DRC2: variants seen among roughly 807,000 people sequenced by gnomAD.
DRC2 encodes the protein coiled-coil domain containing 65.
the DRC2 span, among the ~76,000 whole-genome samples, chr12:48,905,958 G>C: frequency 1.3e-5 from 2 of 152,040 alleles, no homozygotes; most frequent in Non-Finnish European, 2.9e-5. Flanking sequence ...TTTTAGTTGA[G>C]ATGGGGGTTT....
the DRC2 span, among the ~76,000 whole-genome samples, chr12:48,916,797 T>C: frequency 6.6e-6 from 1 of 152,198 alleles, no homozygotes; most frequent in Admixed American, 6.5e-5. Flanking sequence ...CAAAATAAAA[T>C]AACCTTACTC....
chr12:48,920,441 TAAAAAAAAAAAAAAAA>T, the DRC2 span, among the ~76,000 whole-genome samples: 18 of 67,812 alleles, frequency 2.7e-4, no homozygotes, highest in African/African-American at 1.1e-3. Context: ...AACTCCATCT[TAAAAAAAAAAAAAAAA>T]AAAAAAAAAA....
At chr12:48,916,939 CA>C in the DRC2 span, 1 of 1,607,036 alleles carries the variant, frequency 6.2e-7, no homozygotes, top group South Asian at 1.1e-5. Context: ...CTGTATCCCT[CA>C]GAGCAGGGAC....
chr12:48,916,294 C>G, the DRC2 span, among the ~76,000 whole-genome samples: 6 of 152,244 alleles, frequency 3.9e-5, no homozygotes, highest in Non-Finnish European at 7.3e-5. Flanking sequence ...CGCCACTGCA[C>G]TCCAGCCTGG....
the DRC2 span, among the ~76,000 whole-genome samples, chr12:48,907,977 A>C: frequency 1.3e-5 from 2 of 152,112 alleles, no homozygotes; most frequent in African/African-American, 4.8e-5. Flanking sequence ...ACAGAGTCTC[A>C]CTTTGTTGTC....
the DRC2 span, chr12:48,916,870 A>G: frequency 8.8e-7 from 1 of 1,134,082 alleles, no homozygotes; most frequent in Admixed American, 2.2e-5. Flanking sequence ...AGTACCTAAG[A>G]GTTTGTACCA....
At chr12:48,912,149 A>G in the DRC2 span, among the ~76,000 whole-genome samples, 2 of 152,058 alleles carry the variant, frequency 1.3e-5, no homozygotes. Flanking sequence ...AATCCCAGCT[A>G]CTGTGGGAGG....
the DRC2 span, among the ~76,000 whole-genome samples, chr12:48,915,420 G>T: frequency 6.9e-6 from 1 of 145,370 alleles, no homozygotes; most frequent in Non-Finnish European, 1.5e-5. Flanking sequence ...GAGAGCACAG[G>T]GTTGGGGGTA....
At chr12:48,916,383 C>T in the DRC2 span, among the ~76,000 whole-genome samples, 1 of 152,102 alleles carries the variant, frequency 6.6e-6, no homozygotes, top group Non-Finnish European at 1.5e-5. Flanking sequence ...GGATCACTCG[C>T]GGTTAGGAGC....
the DRC2 span, chr12:48,917,003 T>C: frequency 6.2e-7 from 1 of 1,614,104 alleles, no homozygotes; most frequent in Non-Finnish European, 8.5e-7. Context: ...AGAAAGAGAT[T>C]CACTATCTGC....
the DRC2 span, chr12:48,917,032 T>G: frequency 6.2e-7 from 1 of 1,613,882 alleles, no homozygotes; most frequent in South Asian, 1.1e-5. Context: ...TTCATGGCCA[T>G]GGAGCAGAAC....
chr12:48,915,640 C>T, the DRC2 span, among the ~76,000 whole-genome samples: 46,636 of 149,454 alleles, frequency 0.31, 7,468 homozygotes, highest in Admixed American at 0.46. Flanking sequence ...ACCTCCCAGA[C>T]GGGGTGGTGG....
the DRC2 span, among the ~76,000 whole-genome samples, chr12:48,920,441 T>TTTAA: frequency 9.4e-4 from 64 of 67,808 alleles, 4 homozygotes; most frequent in East Asian, 2.8e-3. Context: ...AACTCCATCT[T>TTTAA]AAAAAAAAAA....
chr12:48,915,652 C>T, the DRC2 span, among the ~76,000 whole-genome samples: 1 of 151,462 alleles, frequency 6.6e-6, no homozygotes, highest in Non-Finnish European at 1.5e-5. Flanking sequence ...GGGTGGTGGC[C>T]GGGCAGAGGG....
chr12:48,920,898 C>T, the DRC2 span: 3 of 1,582,408 alleles, frequency 1.9e-6, no homozygotes, highest in African/African-American at 2.7e-5. Context: ...CACTCCCTTT[C>T]CTAATATAAA....
chr12:48,919,373 A>G, the DRC2 span, among the ~76,000 whole-genome samples: 5 of 148,984 alleles, frequency 3.4e-5, no homozygotes, highest in Non-Finnish European at 7.4e-5. Context: ...TAACTTTTGT[A>G]TTTTTTGTAG....
the DRC2 span, chr12:48,914,525 G>C: frequency 6.2e-7 from 1 of 1,614,092 alleles, no homozygotes; most frequent in Non-Finnish European, 8.5e-7. Context: ...CTGGAGGAAA[G>C]TTACAACATG....
the DRC2 span, among the ~76,000 whole-genome samples, chr12:48,907,775 C>G: frequency 6.6e-6 from 1 of 152,168 alleles, no homozygotes; most frequent in Non-Finnish European, 1.5e-5. Flanking sequence ...CTTTGGCTTG[C>G]ATGACACCAT....
At chr12:48,912,437 C>CAAAAAAAAAAAAAAAAAAA in the DRC2 span, among the ~76,000 whole-genome samples, 941 of 45,340 alleles carry the variant, frequency 0.021, 200 homozygotes, top group Non-Finnish European at 0.026. Flanking sequence ...GACGCCGTCT[C>CAAAAAAAAAAAAAAAAAAA]AAAAAAAAAA....
Sources: gnomAD v4.1 joint callset for allele counts (sites outside exome capture counted in the v4.1 genomes callset) on GRCh38, gnomAD v4.1.1 for gene constraint, MANE v1.5 for transcripts, NCBI Gene and HGNC (gene_info 2026-07-23, HGNC 2026-07-21) for gene names.